NEBL: variants seen among roughly 807,000 people sequenced by gnomAD.
NEBL encodes the protein nebulette.
NEBL carries 122 observed loss-of-function variants against 140.2 expected under a neutral mutation model. The ratio of observed to expected loss-of-function variants is 0.87; its 90% CI spans 0.75 to 1.01. NEBL has a LOEUF of 1.01. Ranked by LOEUF, NEBL falls within the 50% of genes least tolerant of loss-of-function variation. The pLI is 0.00. For synonymous variants in NEBL, 436 were observed against 398.9 expected, an observed-to-expected ratio of 1.09 and a Z score of -1.11; for missense variants, 1,365 against 1,231.3, an observed-to-expected ratio of 1.11 and a Z score of -1.62.
intron 2 of NEBL, chr10:21,113,196 A>G (rs1838117042): frequency 6.1e-6 from 2 of 326,588 alleles, no homozygotes; most frequent in African/African-American, 2.3e-5. Context: ...GAAGAAATCT[A>G]TATGAGATGC....
chr10:20,795,511 T>A (rs1348089119), intron 26 of NEBL, among the ~76,000 whole-genome samples: 1 of 152,074 alleles, frequency 6.6e-6, no homozygotes, highest in Non-Finnish European at 1.5e-5. Flanking sequence ...ATTGTAAGAG[T>A]CATTTTAGCA....
chr10:20,867,208 A>G (rs985597724), intron 7 of NEBL, among the ~76,000 whole-genome samples: 2 of 152,006 alleles, frequency 1.3e-5, no homozygotes, highest in African/African-American at 4.8e-5. Context: ...TTGGATTGCA[A>G]TTGGAATTGC....
At chr10:21,165,420 T>C (rs1263136430) in intron 2 of NEBL, among the ~76,000 whole-genome samples, 1 of 152,178 alleles carries the variant, frequency 6.6e-6, no homozygotes, top group Non-Finnish European at 1.5e-5. Flanking sequence ...CAGATCAGGC[T>C]CCTCAAAGCC....
intron 26 of NEBL, 60 bp from the exon 27 acceptor site, chr10:20,787,368 C>A: frequency 7.6e-7 from 1 of 1,321,718 alleles, no homozygotes; most frequent in South Asian, 1.2e-5. Flanking sequence ...AAATACCCAT[C>A]CCAAACCCTC....
At chr10:21,034,289 C>T (rs1350425408) in intron 2 of NEBL, among the ~76,000 whole-genome samples, 1 of 150,726 alleles carries the variant, frequency 6.6e-6, no homozygotes, top group East Asian at 1.9e-4. Flanking sequence ...AATAAATAAG[C>T]TAAATAAATT....
chr10:21,243,977 G>A (rs1265092200), intron 3 of NEBL, among the ~76,000 whole-genome samples: 1 of 151,830 alleles, frequency 6.6e-6, no homozygotes, highest in South Asian at 2.1e-4. Flanking sequence ...GGAGGGAAGG[G>A]AGGGAAGGAA....
intron 4 of NEBL, among the ~76,000 whole-genome samples, chr10:20,955,683 T>G (rs188348444): frequency 1.3e-5 from 2 of 152,244 alleles, no homozygotes; most frequent in African/African-American, 4.8e-5. Context: ...GGGTCATAAT[T>G]AGGGTCTTGA....
At chr10:20,874,700 G>A (rs1345759732) in intron 5 of NEBL, among the ~76,000 whole-genome samples, 2 of 152,046 alleles carry the variant, frequency 1.3e-5, no homozygotes, top group African/African-American at 2.4e-5. Flanking sequence ...TTTCCGTCAC[G>A]AAATCTAGAG....
At chr10:21,003,837 C>T (rs936466564) in intron 3 of NEBL, among the ~76,000 whole-genome samples, 1 of 152,122 alleles carries the variant, frequency 6.6e-6, no homozygotes, top group African/African-American at 2.4e-5. Context: ...ATGAAAATCT[C>T]AAAACGTATC....
rs145993524 is a variant in NEBL at position 21,011,269 on chromosome 10, A to C, written c.249+8848T>G. ...AGTGCTATATTTACCCAATAAAATC[A>C]AAGCGTATACAACAGGTCAGCAACT... is the stretch of plus-strand genomic sequence containing the variant. On this transcript the variant is annotated intron_variant, in intron 3 of 6. Transcript: ENST00000417816. Among the ~76,000 whole-genome samples the C allele has an allele frequency of 9.2e-5, 14 of 152,322 alleles. No individual in the cohort carries two copies. The East Asian group carries it at 2.5e-3, about 27-fold the overall frequency.
chr10:21,019,902 C>T (rs1034816900), intron 3 of NEBL, among the ~76,000 whole-genome samples: 9 of 152,160 alleles, frequency 5.9e-5, no homozygotes, highest in African/African-American at 1.4e-4. Context: ...CCTAGTCCAA[C>T]GTGAATAACA....
intron 3 of NEBL, among the ~76,000 whole-genome samples, chr10:21,209,333 A>G (rs1176720619): frequency 6.6e-6 from 1 of 152,258 alleles, no homozygotes; most frequent in Non-Finnish European, 1.5e-5. Flanking sequence ...TTTGAATTTC[A>G]GATAAACAAC....
rs1364913675 is a variant in NEBL at position 20,826,524 on chromosome 10, C to T, written c.1792G>A (p.Glu598Lys). 1.9e-6 allele frequency: 3 copies of T among 1,610,980 alleles called. No individual in the cohort carries two copies. The highest frequency in any genetic ancestry group is 1.6e-4 in the Middle Eastern group (1 of 6,068). ...TTCACTGCAGTGCCAGCTCCCACTT[C>T]TTTCTTATAAAATACCTTTATTATA... ...QNISAVFYKK[E>K]VGAGTAVKDS... Residue 598 changes from glutamate (E) to lysine (K), a missense_variant, in exon 18 of 28, where the codon GAA becomes AAA. Glu to Lys is a moderately conservative substitution (Grantham distance 56, BLOSUM62 1). This residue lies in a region of NEBL where 1,323 missense variants were observed against 1,154.8 expected (regional missense o/e 1.15). Coordinates refer to ENST00000377122, the MANE Select transcript of NEBL (RefSeq NM_006393.3).
At chr10:21,226,730 C>T (rs1232498374) in intron 3 of NEBL, among the ~76,000 whole-genome samples, 1 of 152,222 alleles carries the variant, frequency 6.6e-6, no homozygotes. Flanking sequence ...GTCTGTGTCA[C>T]ACAGCCATTA....
At chr10:21,145,676 C>T (rs763885526) in intron 2 of NEBL, among the ~76,000 whole-genome samples, 8 of 152,276 alleles carry the variant, frequency 5.3e-5, no homozygotes, top group Non-Finnish European at 1.2e-4. Flanking sequence ...TTATGACCTG[C>T]CGAACATCCC....
At chr10:20,956,851 G>A (rs1203407112) in intron 4 of NEBL, among the ~76,000 whole-genome samples, 2 of 151,954 alleles carry the variant, frequency 1.3e-5, no homozygotes, top group African/African-American at 2.4e-5. Context: ...AGACCTAATT[G>A]CCTCATACAC....
intron 2 of NEBL, among the ~76,000 whole-genome samples, chr10:21,073,473 C>T (rs1835912388): frequency 6.6e-6 from 1 of 151,740 alleles, no homozygotes; most frequent in Non-Finnish European, 1.5e-5. Context: ...AAAAATTAGG[C>T]AGGCTTGGTG....
At chr10:21,271,817 C>T (rs545061926) in intron 1 of NEBL, among the ~76,000 whole-genome samples, 5 of 152,160 alleles carry the variant, frequency 3.3e-5, no homozygotes, top group Admixed American at 1.3e-4. Flanking sequence ...TGAGCCACTG[C>T]GCCCTGCCGA....
At chr10:20,840,696 G>T in intron 13 of NEBL, 43 bp downstream of exon 13, 1 of 1,315,370 alleles carries the variant, frequency 7.6e-7, no homozygotes, top group Non-Finnish European at 1.1e-6. Context: ...AAGAAAGTCA[G>T]CTAAAAACAT....
Sources: allele counts gnomAD v4.1 joint callset (sites outside exome capture counted in the v4.1 genomes callset), GRCh38; gene constraint gnomAD v4.1.1; regional missense constraint gnomAD v4.1.1; transcripts MANE v1.5; gene names NCBI Gene and HGNC (gene_info 2026-07-23, HGNC 2026-07-21).